Variants in STAT2 observed in about 807,000 individuals in gnomAD.
The protein encoded by STAT2 is signal transducer and activator of transcription 2.
STAT2 carries 51 observed loss-of-function variants against 122.3 expected under a neutral mutation model. The observed-to-expected ratio is 0.42, with a 90% confidence interval of 0.33 to 0.53. STAT2 has a LOEUF of 0.53. Among genes scored for constraint, STAT2 ranks in the 20% least tolerant of loss-of-function variants. The pLI is 0.10. For missense variants in STAT2, 736 were observed against 1,010.3 expected (o/e 0.73, Z 3.68); for synonymous variants, 351 against 394.9 (o/e 0.89, Z 1.32).
At chr12:56,348,329 C>T (rs1474228022) in intron 19 of STAT2, among the ~76,000 whole-genome samples, 200 bp downstream of exon 19, 2 of 151,842 alleles carry the variant, frequency 1.3e-5, no homozygotes, top group African/African-American at 4.8e-5. Flanking sequence ...CCTCATGATC[C>T]GCCCGCCTCG....
intron 8 of STAT2, among the ~76,000 whole-genome samples, chr12:56,354,147 CTCCTTCCT>C (rs1189893118): frequency 6.9e-6 from 1 of 144,372 alleles, no homozygotes. Flanking sequence ...TTTTCTCTTC[CTCCTTCCT>C]TCCTTCCTTT....
In STAT2 at chr12:56,343,206, G is replaced by A; in HGVS notation, c.*183C>T. 1 of 722,230 alleles carries A rather than the reference G, an allele frequency of 1.4e-6. No homozygotes were observed. Among genetic ancestry groups the A allele is most frequent in the Admixed American group, 3.0e-5 (1 of 32,916 alleles). 44.7% of individuals were successfully genotyped at this position (722,230 alleles called of 1,614,324 possible). On this transcript the variant is annotated 3_prime_UTR_variant, in exon 24 of 24. Coordinates refer to ENST00000314128, the MANE Select transcript of STAT2 (RefSeq NM_005419.4). ...TCAGCATCTGTTCTGATTCATTGTT[G>A]TCCCCTCTGTACCCATGTTATGCTT... is the stretch of plus-strand genomic sequence containing the variant.
At position 56,348,522 on chromosome 12, in the gene STAT2, G is replaced by A; in HGVS notation, c.1724+7C>T. The stretch of plus-strand genomic sequence containing the variant: ...AGCCCATGAGGGAAGGGTGACCAAG[G>A]CCTTACCCATCATTCCAGAGATCCT... On this transcript the variant is annotated splice_region_variant and intron_variant, in intron 19 of 23. Transcript: ENST00000314128. 1.2e-6 allele frequency: 2 copies of A among 1,613,982 alleles called. No homozygotes were observed. Among genetic ancestry groups the A allele is most frequent in the Non-Finnish European group, 1.7e-6 (2 of 1,179,860 alleles).
intron 1 of STAT2, among the ~76,000 whole-genome samples, chr12:56,358,397 T>C (rs971173643): frequency 6.6e-6 from 1 of 151,854 alleles, no homozygotes; most frequent in African/African-American, 2.4e-5. Flanking sequence ...AGGCGCCCAC[T>C]ACCATGCCCA....
intron 8 of STAT2, chr12:56,352,323 C>T (rs1364542498): frequency 1.7e-5 from 2 of 120,890 alleles, no homozygotes; most frequent in Non-Finnish European, 3.2e-5. Context: ...ATTGGGACAA[C>T]TATTCTGGGA....
Position 56,360,054 on chromosome 12 carries a change from G to A in STAT2, c.-8+4C>T. Reference sequence around the variant, plus strand: ...ACCCCAGCACACCCTCTCAGGGCCCGTACCTGATTAGGGTTGCAGTCCCCG... The same window carrying A: ...ACCCCAGCACACCCTCTCAGGGCCCATACCTGATTAGGGTTGCAGTCCCCG... On this transcript the variant is annotated splice_donor_region_variant and intron_variant, in intron 1 of 23. Coordinates refer to ENST00000314128, the MANE Select transcript of STAT2 (RefSeq NM_005419.4). 1.0e-6 allele frequency: 1 copy of A among 985,014 alleles called. No individual in the cohort carries two copies. The highest frequency in any genetic ancestry group is 1.7e-5 in the African/African-American group (1 of 57,156). 61.0% of individuals were successfully genotyped at this position (985,014 alleles called of 1,614,324 possible).
intron 12 of STAT2, 91 bp downstream of exon 12, chr12:56,350,321 T>A (rs1878254085): frequency 6.8e-7 from 1 of 1,468,144 alleles, no homozygotes; most frequent in Non-Finnish European, 9.3e-7. Context: ...CAAATCCCCC[T>A]CTTCCTTGTT....
Position 56,351,140 on chromosome 12 carries a change from G to C in STAT2, c.992C>G (p.Pro331Arg), listed in dbSNP as rs763102693. 1 of 1,614,076 alleles carries C rather than the reference G, an allele frequency of 6.2e-7. No homozygotes were observed. The highest frequency in any genetic ancestry group is 8.5e-7 in the Non-Finnish European group (1 of 1,180,008). ...QPCMPQTPHR[P>R]LILKTGSKFT... ...CTTGCTGCCAGTCTTGAGGATGAGG[G>C]GTCGATGGGGAGTTTGGGGCATGCA... Residue 331 changes from proline (P) to arginine (R), a missense_variant, in exon 10 of 24, where the codon CCC (proline) becomes CGC (arginine). Transcript: ENST00000314128.
In STAT2 at chr12:56,356,228, G is replaced by A. The variant is rs766841058; in HGVS notation, c.189C>T (p.Phe63=). 1 of 1,613,640 alleles carries A rather than the reference G, an allele frequency of 6.2e-7. No homozygotes were observed. Among genetic ancestry groups the A allele is most frequent in the East Asian group, 2.2e-5 (1 of 44,892 alleles). The part of the protein sequence containing the change: ...DSKATMLFFH[F]LDQLNYECGR... ...CACACTCATAGTTCAGCTGATCCAA[G>A]AAGTGGAAGAATAGCATGGTAGCCT... is the stretch of plus-strand genomic sequence containing the variant. The change falls in exon 3 of 24, where the codon TTC becomes TTT. Residue 63 remains phenylalanine, a synonymous_variant. Coordinates refer to ENST00000314128, the MANE Select transcript of STAT2 (RefSeq NM_005419.4).
At chr12:56,346,662 A>T in intron 20 of STAT2, 38 bp from the exon 21 acceptor site, 1 of 1,611,458 alleles carries the variant, frequency 6.2e-7, no homozygotes, top group Non-Finnish European at 8.5e-7. Flanking sequence ...GCTTGAGGGA[A>T]GAGGCCGGGC....
chr12:56,347,059 C>T (rs899426605), intron 19 of STAT2, 104 bp from the exon 20 acceptor site: 7 of 1,521,280 alleles, frequency 4.6e-6, no homozygotes, highest in Middle Eastern at 2.1e-4. Context: ...GGTTTGGAAT[C>T]CAGGCTTTGG....
intron 22 of STAT2, 21 bp downstream of exon 22, chr12:56,346,121 GATGA>G: frequency 6.2e-7 from 1 of 1,614,054 alleles, no homozygotes; most frequent in East Asian, 2.2e-5. Context: ...GATTAGGGAG[GATGA>G]ATGAAGAGTT....
chr12:56,353,485 T>A (rs913310735), intron 8 of STAT2, among the ~76,000 whole-genome samples: 7 of 152,110 alleles, frequency 4.6e-5, no homozygotes, highest in Non-Finnish European at 8.8e-5. Flanking sequence ...GAGAAAATAT[T>A]GAAAACAGTA....
At chr12:56,353,381 C>T (rs1878858422) in intron 8 of STAT2, among the ~76,000 whole-genome samples, 1 of 152,086 alleles carries the variant, frequency 6.6e-6, no homozygotes, top group African/African-American at 2.4e-5. Flanking sequence ...GATCCTCCTG[C>T]CTCAGCCTTC....
intron 13 of STAT2, 180 bp downstream of exon 13, chr12:56,349,917 T>C (rs1046032306): frequency 2.9e-5 from 19 of 659,278 alleles, no homozygotes; most frequent in Non-Finnish European, 4.7e-5. Context: ...GGCATGGTGG[T>C]GTGTGCCTAT....
chr12:56,349,555 TC>T (rs1207005151), intron 14 of STAT2, 33 bp downstream of exon 14: 4 of 1,613,926 alleles, frequency 2.5e-6, no homozygotes, highest in Non-Finnish European at 3.4e-6. Flanking sequence ...TTTGGCAAGC[TC>T]CCCCTGCCTC....
At chr12:56,350,713 G>C (rs916394376) in intron 11 of STAT2, 116 bp downstream of exon 11, 25 of 1,119,352 alleles carry the variant, frequency 2.2e-5, no homozygotes, top group Non-Finnish European at 3.3e-5. Context: ...TATAATTTCT[G>C]TGAGGTAGGA....
rs1189094890 is a variant in STAT2 at position 56,355,729 on chromosome 12, G to A, written c.360C>T (p.Ile120=). Reference sequence around the variant, plus strand: ...TCACCAATTGGGCCCTCTGAGCCTGGATCAAAATTCTTTTTTCTTCCAGAA... The same window carrying A: ...TCACCAATTGGGCCCTCTGAGCCTGAATCAAAATTCTTTTTTCTTCCAGAA... The part of the protein sequence containing the change: ...NLLLEEKRIL[I]QAQRAQLEQG... The change falls in exon 4 of 24, where the codon ATC becomes ATT. Residue 120 remains isoleucine (I), a synonymous_variant. Transcript: ENST00000314128. The A allele has an allele frequency of 6.2e-7, 1 of 1,614,092 alleles. No homozygotes were observed. The highest frequency in any genetic ancestry group is 1.7e-5 in the Admixed American group (1 of 59,996).
At chr12:56,355,858 T>C (rs996786570) in intron 3 of STAT2, 55 bp from the exon 4 acceptor site, 7 of 1,551,224 alleles carry the variant, frequency 4.5e-6, no homozygotes, top group African/African-American at 2.7e-5. Context: ...CAATGACCTA[T>C]TGCCCTAGAC....
Sources: gnomAD v4.1 joint callset for allele counts (sites outside exome capture counted in the v4.1 genomes callset) on GRCh38, gnomAD v4.1.1 for gene constraint, MANE v1.5 for transcripts, NCBI Gene and HGNC (gene_info 2026-07-23, HGNC 2026-07-21) for gene names.